CCR3: variants seen among roughly 807,000 people sequenced by gnomAD.
CCR3 encodes the protein C-C motif chemokine receptor 3.
For synonymous variants in CCR3, 203 were observed against 179.2 expected (o/e 1.13, Z -1.06); for missense variants, 419 against 437.5 (o/e 0.96, Z 0.38).
chr3:46,264,313 A>G lies in CCR3; in HGVS notation c.-11-835A>G, dbSNP rs890967040. ...AGTAACCTAAACTAATGCTGCTTAT[A>G]ATTGTAATTATTGTAATAGTTAATT... On this transcript the variant is annotated intron_variant, in intron 1 of 1. Transcript: ENST00000395940. 3 of 933,534 alleles carry G rather than the reference A, an allele frequency of 3.2e-6. No individual in the cohort carries two copies. In the African/African-American group the frequency reaches 4.9e-5, roughly 15 times the overall value. The allele number at this position is 933,534 out of a possible 1,614,324, so 57.8% of individuals were successfully genotyped here.
chr3:46,258,147 C>A (rs1319815350), intron 1 of CCR3, among the ~76,000 whole-genome samples: 1 of 152,184 alleles, frequency 6.6e-6, no homozygotes, highest in Non-Finnish European at 1.5e-5. Flanking sequence ...ACACTCAATA[C>A]AATGCTTCAA....
intron 1 of CCR3, among the ~76,000 whole-genome samples, chr3:46,253,341 G>T (rs753645161): frequency 3.3e-5 from 5 of 152,068 alleles, no homozygotes; most frequent in Non-Finnish European, 5.9e-5. Flanking sequence ...CTGGTTCTGG[G>T]AGGCTTTGCA....
rs183905266 is a variant in CCR3 at position 46,236,019 on chromosome 3, T to C, written c.-67-6383T>C. Among the ~76,000 whole-genome samples, 182 of 152,308 alleles carry C rather than the reference T, an allele frequency of 1.2e-3. 3 individuals are homozygous for C. Among genetic ancestry groups the C allele is most frequent in the Middle Eastern group, 0.01 (3 of 294 alleles). On this transcript the variant is annotated intron_variant, in intron 2 of 3. Coordinates refer to the CCR3 transcript ENST00000357422. ...CTCTTGATGTCAAATGTTACTTTGT[T>C]TGATGTGGAATATTTAATCTATAAT...
intron 1 of CCR3, among the ~76,000 whole-genome samples, chr3:46,242,968 TATATATATATACAC>T (rs1482268499): frequency 8.0e-5 from 7 of 87,436 alleles, no homozygotes; most frequent in Admixed American, 7.6e-4. Flanking sequence ...TATGTGTATA[TATATATATATACAC>T]ATATATATAT....
intron 2 of CCR3, among the ~76,000 whole-genome samples, chr3:46,225,093 G>A (rs916988053): frequency 3.3e-5 from 5 of 152,142 alleles, no homozygotes; most frequent in Non-Finnish European, 5.9e-5. Flanking sequence ...ACTATATATA[G>A]TAATATAAAA....
At chr3:46,229,082 C>G (rs565760051) in intron 2 of CCR3, among the ~76,000 whole-genome samples, 3 of 152,304 alleles carry the variant, frequency 2.0e-5, no homozygotes, top group Admixed American at 2.0e-4. Context: ...TTTCCAGTCT[C>G]TCTTGCATGT....
intron 1 of CCR3, among the ~76,000 whole-genome samples, chr3:46,250,881 T>C (rs762630006): frequency 7.4e-5 from 11 of 149,606 alleles, no homozygotes; most frequent in Non-Finnish European, 1.6e-4. Flanking sequence ...GGCACAGAGA[T>C]AAGAGGTCTG....
upstream of CCR3, among the ~76,000 whole-genome samples, chr3:46,241,637 A>G (rs755715225): frequency 2.5e-4 from 38 of 152,138 alleles, no homozygotes; most frequent in Non-Finnish European, 5.9e-5. Flanking sequence ...TAGAGATGAA[A>G]AAGCTGAGGT....
chr3:46,258,047 T>C (rs1700460982), intron 1 of CCR3, among the ~76,000 whole-genome samples: 1 of 152,216 alleles, frequency 6.6e-6, no homozygotes, highest in Admixed American at 6.5e-5. Flanking sequence ...CCCCAGCTGA[T>C]TGGATGGTGC....
intron 2 of CCR3, among the ~76,000 whole-genome samples, chr3:46,220,979 C>T (rs916088886): frequency 1.3e-5 from 2 of 152,290 alleles, no homozygotes; most frequent in East Asian, 1.9e-4. Context: ...CCAAACACCA[C>T]GTGTTCCCCA....
intron 2 of CCR3, among the ~76,000 whole-genome samples, chr3:46,224,324 C>T (rs1023209815): frequency 9.9e-5 from 15 of 152,122 alleles, no homozygotes; most frequent in East Asian, 1.9e-4. Context: ...GGGCCAGGCA[C>T]GGTGGCTCAC....
intron 2 of CCR3, among the ~76,000 whole-genome samples, chr3:46,212,725 T>C (rs958938322): frequency 2.6e-5 from 4 of 152,164 alleles, no homozygotes; most frequent in African/African-American, 9.7e-5. Context: ...CTACTCTCTG[T>C]CCTGCTCATC....
chr3:46,221,863 A>T (rs1006948019), intron 2 of CCR3, among the ~76,000 whole-genome samples: 4 of 152,080 alleles, frequency 2.6e-5, no homozygotes, highest in Non-Finnish European at 5.9e-5. Context: ...GGGTCCATGA[A>T]GGAGTGTGTC....
intron 1 of CCR3, among the ~76,000 whole-genome samples, chr3:46,258,919 G>A (rs1470373051): frequency 6.6e-6 from 1 of 152,126 alleles, no homozygotes; most frequent in Non-Finnish European, 1.5e-5. Flanking sequence ...AGAATAGTAG[G>A]ATCTGATCTC....
intron 1 of CCR3, among the ~76,000 whole-genome samples, chr3:46,262,775 C>G (rs1446004175): frequency 3.3e-5 from 5 of 152,146 alleles, no homozygotes; most frequent in Non-Finnish European, 7.4e-5. Flanking sequence ...CCACCTCAGC[C>G]CCCCAAGTAG....
At chr3:46,246,840 T>G (rs1700200702) in intron 1 of CCR3, among the ~76,000 whole-genome samples, 1 of 152,082 alleles carries the variant, frequency 6.6e-6, no homozygotes, top group South Asian at 2.1e-4. Flanking sequence ...TTCCCAGGGC[T>G]GCTTCAAGCG....
chr3:46,250,823 C>A (rs376370724), intron 1 of CCR3, among the ~76,000 whole-genome samples: 2 of 151,172 alleles, frequency 1.3e-5, no homozygotes, highest in African/African-American at 4.9e-5. Flanking sequence ...GGTTCTTACC[C>A]TCCAGAAAAG....
At chr3:46,220,900 G>A (rs1344224281) in intron 2 of CCR3, among the ~76,000 whole-genome samples, 2 of 152,192 alleles carry the variant, frequency 1.3e-5, no homozygotes, top group East Asian at 1.9e-4. Context: ...GCTGGGTGCA[G>A]TGTACACTGC....
intron 1 of CCR3, among the ~76,000 whole-genome samples, chr3:46,249,924 T>C (rs1024808083): frequency 5.9e-5 from 9 of 151,998 alleles, no homozygotes; most frequent in African/African-American, 1.9e-4. Flanking sequence ...TTAAGTCCTG[T>C]TGTGGGGTGT....
Sources: allele counts gnomAD v4.1 joint callset (sites outside exome capture counted in the v4.1 genomes callset), GRCh38; gene constraint gnomAD v4.1.1; transcripts MANE v1.5; gene names NCBI Gene and HGNC (gene_info 2026-07-23, HGNC 2026-07-21).